Variants in AGAP2 observed in about 807,000 individuals in gnomAD.
AGAP2 encodes arf-GAP with GTPase, ANK repeat and PH domain-containing protein 2.
In AGAP2, 32 loss-of-function variants were observed where a neutral mutation model predicts 110.9. The ratio of observed to expected loss-of-function variants is 0.29; its 90% confidence interval spans 0.22 to 0.39. The LOEUF is 0.39. Ranked by LOEUF, AGAP2 falls within the 10% of genes least tolerant of loss-of-function variation. AGAP2 has a pLI of 1.00. For synonymous variants in AGAP2, 702 were observed against 713.0 expected, an observed-to-expected ratio of 0.98 and a Z score of 0.25; for missense variants, 1,285 against 1,638.5, an observed-to-expected ratio of 0.78 and a Z score of 3.72.
At chr12:57,739,555 T>C (rs1315792532), upstream of AGAP2, among the ~76,000 whole-genome samples, 2 of 152,080 alleles carry the variant, frequency 1.3e-5, no homozygotes, top group African/African-American at 4.8e-5. Context: ...GCTCCAGCTC[T>C]AGGAGGAGGG....
downstream of AGAP2, chr12:57,725,037 C>G (rs1314661036): frequency 6.6e-6 from 1 of 152,638 alleles, no homozygotes; most frequent in East Asian, 1.9e-4. Context: ...GAACCCAGAA[C>G]TGTTGTACAT....
chr12:57,726,649 G>GGTGA lies in AGAP2; in HGVS notation c.3481_3482insTCAC (p.Ala1161ValfsTer22). ...GGCGGTGATGCTGGGCGTGGTGGCC[G>GGTGA]CGCTGGGCGTGGTGGCCGCGCTGCC... On this transcript the variant is annotated frameshift_variant, in exon 19 of 19. Transcript: ENST00000547588. LOFTEE classifies it high-confidence loss of function. This position sits in a 1 kb window ranked among gnomAD's most constrained non-coding sequence, Gnocchi z 5.7. 8.3e-7 allele frequency: 1 copy of GGTGA among 1,198,110 alleles called. No individual in the cohort carries two copies. Among genetic ancestry groups the GGTGA allele is most frequent in the Non-Finnish European group, 1.0e-6 (1 of 966,386 alleles). 74.2% of individuals were successfully genotyped at this position (1,198,110 alleles called of 1,614,324 possible).
chr12:57,729,002 A>C (rs541846597), intron 13 of AGAP2, among the ~76,000 whole-genome samples: 24 of 151,984 alleles, frequency 1.6e-4, no homozygotes, highest in African/African-American at 2.2e-4. Flanking sequence ...AGTGAAACCC[A>C]GTCTCTACTA....
intron 10 of AGAP2, 78 bp from the exon 11 acceptor site, chr12:57,731,031 A>C: frequency 7.2e-7 from 1 of 1,393,938 alleles, no homozygotes; most frequent in Non-Finnish European, 9.5e-7. Flanking sequence ...ATGGTACAGA[A>C]TAGAGAGGGA....
chr12:57,727,611 C>T, intron 16 of AGAP2, 29 bp from the exon 17 acceptor site: 2 of 1,591,872 alleles, frequency 1.3e-6, no homozygotes, highest in South Asian at 1.1e-5. Context: ...GGTCGGCTCC[C>T]AGCCGGGCAG....
chr12:57,730,893 G>A lies in AGAP2; in HGVS notation c.2206C>T (p.Pro736Ser). 6.2e-7 allele frequency: 1 copy of A among 1,604,724 alleles called. No homozygotes were observed. The highest frequency in any genetic ancestry group is 8.5e-7 in the Non-Finnish European group (1 of 1,175,648). Residue 736 changes from proline to serine, a missense_variant, in exon 11 of 19, where the codon CCG (proline) becomes TCG (serine). Around this residue, in one of 7 missense-constraint regions of AGAP2, gnomAD observed 135 missense variants for 182.0 expected, o/e 0.74. Transcript: ENST00000547588. Reference protein sequence around the residue: ...MDLLRTTVKVPGKRPPRAISA... With the variant: ...MDLLRTTVKVSGKRPPRAISA... ...ATGGCCCTCGGGGGCCGCTTGCCCGGGACTTTGACTGTTGTTCGCAGCAAG... is the reference window on the plus strand; with the variant it reads ...ATGGCCCTCGGGGGCCGCTTGCCCGAGACTTTGACTGTTGTTCGCAGCAAG...
chr12:57,730,406 C>A, intron 12 of AGAP2, 89 bp downstream of exon 12: 1 of 1,543,342 alleles, frequency 6.5e-7, no homozygotes, highest in Non-Finnish European at 8.8e-7. Flanking sequence ...GCATTTATTC[C>A]AGCCTCCAAG....
intron 13 of AGAP2, among the ~76,000 whole-genome samples, chr12:57,728,669 G>A (rs1412598693): frequency 1.3e-5 from 2 of 152,156 alleles, no homozygotes; most frequent in Non-Finnish European, 2.9e-5. Flanking sequence ...CAAGACCAGC[G>A]AGGAGCTGGA....
At chr12:57,739,156 A>T (rs540818829), upstream of AGAP2, among the ~76,000 whole-genome samples, 11 of 152,186 alleles carry the variant, frequency 7.2e-5, no homozygotes, top group African/African-American at 2.6e-4. Flanking sequence ...CAAGGTTAGG[A>T]AGCGCGATTG....
At chr12:57,735,150 A>G (rs1954956447) in intron 2 of AGAP2, among the ~76,000 whole-genome samples, 1 of 152,126 alleles carries the variant, frequency 6.6e-6, no homozygotes, top group African/African-American at 2.4e-5. Context: ...AAACAGGAAA[A>G]AGGGGATGGC....
At position 57,738,300 on chromosome 12, in the gene AGAP2, CA is replaced by C; in HGVS notation, c.-55del. 3 of 1,407,598 alleles carry C rather than the reference CA, an allele frequency of 2.1e-6. No individual in the cohort carries two copies. The highest frequency in any genetic ancestry group is 2.8e-6 in the Non-Finnish European group (3 of 1,086,592). The allele number at this position is 1,407,598 out of a possible 1,614,324, so 87.2% of individuals were successfully genotyped here. A position where few individuals can be genotyped will look rare whatever the true frequency, so the allele number is the denominator to read the frequency against. On this transcript the variant is annotated 5_prime_UTR_variant, in exon 1 of 19. The change abolishes the stop of an existing upstream ORF in the 5' untranslated region. Coordinates refer to ENST00000547588, the MANE Select transcript of AGAP2 (RefSeq NM_001122772.3). This position sits in a 1 kb window ranked among gnomAD's most constrained non-coding sequence, Gnocchi z 6.7. ...GGGAGGGGACTCCCCCGGACTGCCT[CA>C]GGGGGGCCCGGCCATGGGGCCGCCC...
chr12:57,726,318 G>C lies in AGAP2; in HGVS notation c.*234C>G. 3.4e-6 allele frequency: 1 copy of C among 291,862 alleles called. No homozygotes were observed. The highest frequency in any genetic ancestry group is 6.1e-6 in the Non-Finnish European group (1 of 165,282). 18.1% of individuals were successfully genotyped at this position (291,862 alleles called of 1,614,324 possible). A position where few individuals can be genotyped will look rare whatever the true frequency, so the allele number is the denominator to read the frequency against. On this transcript the variant is annotated 3_prime_UTR_variant, in exon 19 of 19. Coordinates refer to ENST00000547588, the MANE Select transcript of AGAP2 (RefSeq NM_001122772.3). The surrounding 1 kb of genome is among the most constrained non-coding windows in gnomAD (Gnocchi z 5.7). ...GGTAGACCCAGAGCAATCCGAGTGT[G>C]GAAACAATGGAGAGGGGGCGTGTTG...
intron 5 of AGAP2, among the ~76,000 whole-genome samples, chr12:57,733,489 G>T (rs888975696): frequency 1.3e-5 from 2 of 152,128 alleles, no homozygotes; most frequent in Admixed American, 6.5e-5. Context: ...TCGACACAGG[G>T]GAGTGCTGGA....
rs764255686 is a variant in AGAP2, at chr12:57,730,537, G to A, written c.2386C>T (p.Leu796=). The part of the protein sequence containing the change: ...QPPPDQTSKH[L]LKPDRNLARA... ...GCCAAATTCCGGTCTGGCTTCAGCA[G>A]GTGTTTGGATGTCTGATCTGGTGGT... Residue 796 remains leucine (L), a synonymous_variant, in exon 12 of 19, where the codon CTG becomes TTG. Coordinates refer to ENST00000547588, the MANE Select transcript of AGAP2 (RefSeq NM_001122772.3). 2 of 1,614,230 alleles carry A rather than the reference G, an allele frequency of 1.2e-6. No individual in the cohort carries two copies. The highest frequency in any genetic ancestry group is 4.5e-5 in the East Asian group (2 of 44,870).
chr12:57,733,185 CTGTGTGTG>C (rs35371569), intron 5 of AGAP2, among the ~76,000 whole-genome samples: 6 of 146,572 alleles, frequency 4.1e-5, no homozygotes, highest in African/African-American at 7.5e-5. Context: ...GCTGGGTGAG[CTGTGTGTG>C]TGTGTGTGTG....
chr12:57,727,899 T>G, intron 15 of AGAP2, 38 bp downstream of exon 15: 1 of 1,611,558 alleles, frequency 6.2e-7, no homozygotes. Context: ...CAGGGTCAGT[T>G]CCTGCGGCCA....
At position 57,734,077 on chromosome 12, in the gene AGAP2, G is replaced by A. The variant is rs749607548; in HGVS notation, c.1498C>T (p.Leu500Phe). Reference protein sequence around the residue: ...VSRLHGQLSSLRGEGRGGLAL... With the variant: ...VSRLHGQLSSFRGEGRGGLAL... The stretch of plus-strand genomic sequence containing the variant: ...AGGCCTCCTCGTCCCTCCCCGCGAA[G>A]GGAACTCAGCTGCCCATGGAGACGG... The change falls in exon 5 of 19, where the codon CTT becomes TTT. Residue 500 changes from leucine to phenylalanine, a missense_variant. Physicochemically the swap from Leu to Phe is conservative, Grantham distance 22. Around this residue, in one of 7 missense-constraint regions of AGAP2, gnomAD observed 844 missense variants for 941.2 expected, o/e 0.90. Coordinates refer to ENST00000547588, the MANE Select transcript of AGAP2 (RefSeq NM_001122772.3). 1 of 1,613,028 alleles carries A rather than the reference G, an allele frequency of 6.2e-7. No individual in the cohort carries two copies. Among genetic ancestry groups the A allele is most frequent in the South Asian group, 1.1e-5 (1 of 90,908 alleles).
intron 6 of AGAP2, among the ~76,000 whole-genome samples, 160 bp from the exon 7 acceptor site, chr12:57,732,672 G>A (rs1001547154): frequency 6.6e-6 from 1 of 152,200 alleles, no homozygotes; most frequent in Non-Finnish European, 1.5e-5. Flanking sequence ...CTCCAGCCCA[G>A]AAAGACCTTG....
downstream of AGAP2, chr12:57,724,223 C>T (rs1209447168): frequency 6.6e-6 from 1 of 152,306 alleles, no homozygotes; most frequent in African/African-American, 2.4e-5. Context: ...TTCAGTGGCA[C>T]ACTTGCAGCT....
Sources: gnomAD v4.1 joint callset for allele counts (sites outside exome capture counted in the v4.1 genomes callset) on GRCh38, gnomAD v4.1.1 for gene constraint, gnomAD v4.1.1 regional missense constraint, Gnocchi (gnomAD v3.1) non-coding constraint, MANE v1.5 for transcripts, NCBI Gene and HGNC (gene_info 2026-07-23, HGNC 2026-07-21) for gene names.